The following AOAH variants were observed in gnomAD, a reference collection of about 807,000 sequenced individuals.
The protein encoded by AOAH is acyloxyacyl hydrolase, also known as acyloxyacyl hydrolase (neutrophil).
A neutral mutation model predicts 92.2 loss-of-function variants in AOAH; 64 were observed. The observed-to-expected ratio is 0.69, with a 90% CI of 0.57 to 0.86. The LOEUF (loss-of-function observed/expected upper bound fraction) is 0.86, where lower values mean the gene tolerates loss of function less well. AOAH is among the 40% of genes least tolerant of loss of function. The pLI is 0.00. For missense variants in AOAH, 656 were observed against 694.6 expected, an observed-to-expected ratio of 0.94 and a Z score of 0.62; for synonymous variants, 263 against 254.5, an observed-to-expected ratio of 1.03 and a Z score of -0.32.
At chr7:36,554,527 A>G (rs1241493568) in intron 13 of AOAH, among the ~76,000 whole-genome samples, 1 of 152,222 alleles carries the variant, frequency 6.6e-6, no homozygotes, top group Non-Finnish European at 1.5e-5. Context: ...GAAGAAAGTC[A>G]TTGGTAGCTT....
chr7:36,670,136 G>A (rs1795826084), intron 3 of AOAH, among the ~76,000 whole-genome samples: 1 of 152,130 alleles, frequency 6.6e-6, no homozygotes, highest in Non-Finnish European at 1.5e-5. Context: ...ATTAGTCCAT[G>A]AATTATTGAG....
At chr7:36,635,801 A>G (rs1049893684) in intron 5 of AOAH, among the ~76,000 whole-genome samples, 4 of 152,166 alleles carry the variant, frequency 2.6e-5, no homozygotes, top group Non-Finnish European at 5.9e-5. Flanking sequence ...GTGAGCACAT[A>G]ACTTAACCTA....
intron 1 of AOAH, among the ~76,000 whole-genome samples, chr7:36,701,162 A>C (rs185851270): frequency 2.8e-3 from 427 of 152,042 alleles, no homozygotes; most frequent in Middle Eastern, 0.017. Flanking sequence ...AATTTGAGAA[A>C]TATTTATGTG....
rs753302354 is a variant in AOAH, at chr7:36,637,846, C to T, written c.450+5G>A. 38 of 1,613,768 alleles carry T rather than the reference C, an allele frequency of 2.4e-5. No homozygotes were observed. Among genetic ancestry groups the T allele is most frequent in the Non-Finnish European group, 3.0e-5 (35 of 1,179,774 alleles). ...AGGCTGGCGTTCTACGTGCTTAGTG[C>T]TTACCAGAATCGGGGACTTCTTGAC... On this transcript the variant is annotated splice_donor_5th_base_variant and intron_variant, in intron 5 of 20. Coordinates refer to ENST00000617537, the MANE Select transcript of AOAH (RefSeq NM_001637.4).
chr7:36,619,499 C>T (rs1228677587), intron 9 of AOAH, among the ~76,000 whole-genome samples: 2 of 152,206 alleles, frequency 1.3e-5, no homozygotes, highest in Admixed American at 6.5e-5. Context: ...GATTAGTCTC[C>T]TTTGTCCTCC....
rs183629945 is a variant in AOAH at position 36,674,163 on chromosome 7, A to T, written c.224-154T>A. On this transcript the variant is annotated intron_variant, in intron 2 of 20. Coordinates refer to ENST00000617537, the MANE Select transcript of AOAH (RefSeq NM_001637.4). ...TTGAAGGAAATGTTTCAGCTAATGT[A>T]TGCATTAAATATCACTTCTATCTCA... Among the ~76,000 whole-genome samples the T allele has an allele frequency of 2.0e-5, 3 of 152,370 alleles. No homozygotes were observed. In the East Asian group the frequency reaches 5.8e-4, roughly 29 times the overall value.
chr7:36,567,745 G>A (rs1421508974), intron 13 of AOAH, among the ~76,000 whole-genome samples: 3 of 152,128 alleles, frequency 2.0e-5, no homozygotes, highest in Non-Finnish European at 4.4e-5. Context: ...TTGTGCCCAG[G>A]GCAAGTTCCT....
At chr7:36,668,688 T>C (rs10259227) in intron 3 of AOAH, among the ~76,000 whole-genome samples, 49,037 of 152,104 alleles carry the variant, frequency 0.32, 8,388 homozygotes, top group South Asian at 0.49. Context: ...GGTTTCACTA[T>C]GTTGGCCAAA....
At position 36,677,248 on chromosome 7, in the gene AOAH, C is replaced by CA. The variant is rs557252981; in HGVS notation, c.224-3240dup. The stretch of plus-strand genomic sequence containing the variant: ...CTATTACAACTCAATAATAAAAAGA[C>CA]AAATAGTCCAATTAAAATATGTACA... On this transcript the variant is annotated intron_variant, in intron 2 of 20. Transcript: ENST00000617537. Among the ~76,000 whole-genome samples, 9 of 152,158 alleles carry CA rather than the reference C, an allele frequency of 5.9e-5. 1 individual carries two copies. In the East Asian group the frequency reaches 1.7e-3, roughly 29 times the overall value.
intron 4 of AOAH, among the ~76,000 whole-genome samples, chr7:36,650,790 C>T (rs1481771392): frequency 6.6e-6 from 1 of 152,208 alleles, no homozygotes; most frequent in Non-Finnish European, 1.5e-5. Flanking sequence ...AGAGCACCTA[C>T]TATGTGCCAG....
chr7:36,555,784 T>C (rs1304658253), intron 13 of AOAH, among the ~76,000 whole-genome samples: 2 of 152,372 alleles, frequency 1.3e-5, no homozygotes, highest in East Asian at 3.9e-4. Flanking sequence ...GAGGTGTTTG[T>C]AGTAATCTCT....
intron 1 of AOAH, among the ~76,000 whole-genome samples, chr7:36,711,345 C>T (rs1454991688): frequency 6.6e-6 from 1 of 151,936 alleles, no homozygotes; most frequent in Non-Finnish European, 1.5e-5. Flanking sequence ...GTATTCTTAC[C>T]TCCAGTATTA....
intron 12 of AOAH, among the ~76,000 whole-genome samples, chr7:36,589,722 C>T (rs907740905): frequency 6.6e-6 from 1 of 152,202 alleles, no homozygotes; most frequent in East Asian, 1.9e-4. Flanking sequence ...AAAATACAGA[C>T]TTCCTTTCAC....
At chr7:36,674,330 C>T (rs931941905) in intron 2 of AOAH, among the ~76,000 whole-genome samples, 3 of 152,168 alleles carry the variant, frequency 2.0e-5, no homozygotes, top group East Asian at 3.9e-4. Context: ...TGGCTATGAC[C>T]TCATTTGTTG....
chr7:36,572,717 C>T (rs761120425), intron 13 of AOAH, among the ~76,000 whole-genome samples: 10 of 152,140 alleles, frequency 6.6e-5, no homozygotes, highest in Non-Finnish European at 1.5e-4. Flanking sequence ...TGTACCGTTC[C>T]CATCCCTGTG....
intron 10 of AOAH, among the ~76,000 whole-genome samples, 165 bp downstream of exon 10, chr7:36,618,132 C>T (rs1792027656): frequency 6.6e-6 from 1 of 152,130 alleles, no homozygotes; most frequent in South Asian, 2.1e-4. Context: ...CTTTTAGATA[C>T]TTTATTTTTT....
chr7:36,586,737 A>G (rs1489200045), intron 12 of AOAH, among the ~76,000 whole-genome samples: 1 of 152,204 alleles, frequency 6.6e-6, no homozygotes, highest in Non-Finnish European at 1.5e-5. Flanking sequence ...AGGTATTAAA[A>G]TTGGGAAATT....
At chr7:36,609,137 A>G (rs1207141643) in intron 11 of AOAH, among the ~76,000 whole-genome samples, 1 of 152,212 alleles carries the variant, frequency 6.6e-6, no homozygotes, top group Non-Finnish European at 1.5e-5. Flanking sequence ...AGGAACCCTC[A>G]TAAAGTATAC....
At chr7:36,723,981 TTA>T in intron 1 of AOAH, 39 bp downstream of exon 1, 2 of 1,598,574 alleles carry the variant, frequency 1.3e-6, no homozygotes, top group South Asian at 2.2e-5. Flanking sequence ...GATCCCATTG[TTA>T]TGTCTACATA....
Sources: allele counts gnomAD v4.1 joint callset (sites outside exome capture counted in the v4.1 genomes callset), GRCh38; gene constraint gnomAD v4.1.1; transcripts MANE v1.5; gene names NCBI Gene and HGNC (gene_info 2026-07-23, HGNC 2026-07-21).